The following ECT2L variants were observed in gnomAD, a reference collection of about 807,000 sequenced individuals.
ECT2L encodes the protein epithelial cell-transforming sequence 2 oncogene-like.
A neutral mutation model predicts 122.8 loss-of-function variants in ECT2L; 126 were observed. That is an observed-to-expected ratio of 1.03 (90% confidence interval 0.89 to 1.19). ECT2L has a LOEUF of 1.19. Among genes scored for constraint, ECT2L ranks in the 50% most tolerant of loss-of-function variants. The pLI, the probability that ECT2L is intolerant of heterozygous loss-of-function variation, is 0.00. For missense variants in ECT2L, 1,012 were observed against 1,064.1 expected, an observed-to-expected ratio of 0.95 and a Z score of 0.68; for synonymous variants, 385 against 381.8, an observed-to-expected ratio of 1.01 and a Z score of -0.10.
chr6:138,874,243 T>C (rs2128403927), intron 13 of ECT2L, among the ~76,000 whole-genome samples: 1 of 152,188 alleles, frequency 6.6e-6, no homozygotes, highest in African/African-American at 2.4e-5. Flanking sequence ...TTTAATGGTC[T>C]TCCTTATATG....
intron 16 of ECT2L, among the ~76,000 whole-genome samples, chr6:138,883,757 A>G (rs996887350): frequency 6.6e-6 from 1 of 152,266 alleles, no homozygotes; most frequent in African/African-American, 2.4e-5. Flanking sequence ...ACATGGTATC[A>G]GGAACACACT....
At chr6:138,865,207 G>A in intron 12 of ECT2L, 29 bp downstream of exon 12, 2 of 1,561,022 alleles carry the variant, frequency 1.3e-6, no homozygotes, top group African/African-American at 2.7e-5. Context: ...TCTGTTGCAG[G>A]TTAATTATGA....
chr6:138,824,575 C>CAAAAAAAAAAAAAAAAAAAAA (rs1174829999), intron 4 of ECT2L, among the ~76,000 whole-genome samples: 1 of 130,226 alleles, frequency 7.7e-6, no homozygotes, highest in East Asian at 2.6e-4. Flanking sequence ...AAACAAAAAA[C>CAAAAAAAAAAAAAAAAAAAAA]AAAAACAAAA....
chr6:138,847,354 A>ATTTTTTTTTTTTTTT (rs1562471985), intron 8 of ECT2L, among the ~76,000 whole-genome samples: 18 of 111,014 alleles, frequency 1.6e-4, no homozygotes, highest in African/African-American at 7.2e-4. Context: ...AAAGGCCCAA[A>ATTTTTTTTTTTTTTT]CTTTTTTTTT....
Position 138,888,898 on chromosome 6 carries a change from T to TA in ECT2L, c.2326-38dup, listed in dbSNP as rs758068432. 1.1e-5 allele frequency: 12 copies of TA among 1,070,100 alleles called. No individual in the cohort carries two copies. In the African/African-American group the frequency reaches 1.1e-4, roughly 10 times the overall value. The allele number at this position is 1,070,100 out of a possible 1,614,324, so 66.3% of individuals were successfully genotyped here. ...AATGGTTTGCAGTAGTAATTTTATT[T>TA]AAAAAAATTTATATGTACTTCTAAT... is the stretch of plus-strand genomic sequence containing the variant. On this transcript the variant is annotated intron_variant, in intron 19 of 21. Transcript: ENST00000541398.
chr6:138,811,819 G>A (rs1235956563), intron 1 of ECT2L, among the ~76,000 whole-genome samples: 1 of 152,066 alleles, frequency 6.6e-6, no homozygotes, highest in African/African-American at 2.4e-5. Context: ...GCTGGGATTA[G>A]CTGGGATTAC....
intron 21 of ECT2L, 147 bp downstream of exon 21, chr6:138,901,267 TGTA>T (rs1304847040): frequency 1.2e-6 from 1 of 855,752 alleles, no homozygotes; most frequent in Non-Finnish European, 1.7e-6. Context: ...CATTAAACAA[TGTA>T]AACTTTCATC....
rs555375619 is a variant in ECT2L at position 138,902,903 on chromosome 6, A to C, written c.*276A>C. On this transcript the variant is annotated 3_prime_UTR_variant, in exon 22 of 22. Transcript: ENST00000541398. ...TTATTTAGAGTAATTTGATGTGATGAAACCTAAGACAGAGCAAGCACATTG... is the reference window on the plus strand; with the variant it reads ...TTATTTAGAGTAATTTGATGTGATGCAACCTAAGACAGAGCAAGCACATTG... The C allele has an allele frequency of 2.8e-6, 1 of 359,140 alleles. No homozygotes were observed. The highest frequency in any genetic ancestry group is 7.2e-5 in the East Asian group (1 of 13,838). The allele number at this position is 359,140 out of a possible 1,614,324, so 22.2% of individuals were successfully genotyped here. A position where few individuals can be genotyped will look rare whatever the true frequency, so the allele number is the denominator to read the frequency against.
chr6:138,854,981 T>G lies in ECT2L; in HGVS notation c.1198+827T>G, dbSNP rs117148893. On this transcript the variant is annotated intron_variant, in intron 10 of 21. Transcript: ENST00000541398. ...ATTAAATTTTCTCATACTGTTTTTT[T>G]TTGTTGTTGTTGTTAGCCATTCCTT... Among the ~76,000 whole-genome samples the G allele has an allele frequency of 4.0e-3, 615 of 152,286 alleles. 2 individuals are homozygous for G. Among genetic ancestry groups the G allele is most frequent in the Admixed American group, 7.2e-3 (110 of 15,288 alleles).
At chr6:138,808,041 AACACACACACAGCCATGCACAC>A in intron 1 of ECT2L, among the ~76,000 whole-genome samples, 1 of 152,074 alleles carries the variant, frequency 6.6e-6, no homozygotes, top group Admixed American at 6.6e-5. Context: ...CAGTTTGTCA[AACACACACACAGCCATGCACAC>A]ACACACACAC....
rs554379297 is a variant in ECT2L at position 138,805,620 on chromosome 6, C to G, written c.-243-7218C>G. 3.9e-5 allele frequency among the ~76,000 whole-genome samples: 6 copies of G among 152,198 alleles called. No homozygotes were observed. The South Asian group carries it at 1.2e-3, about 32-fold the overall frequency. On this transcript the variant is annotated intron_variant, in intron 1 of 21. Transcript: ENST00000541398. ...GGAGCTTAGTTGCAACTGAAATATC[C>G]AAGATGACTTCATTTGCACATCTGG...
chr6:138,882,899 A>T, intron 16 of ECT2L, 28 bp downstream of exon 16: 10 of 1,610,596 alleles, frequency 6.2e-6, no homozygotes, highest in Non-Finnish European at 8.5e-6. Context: ...CCATCATTCT[A>T]TAAGACCTGA....
In ECT2L at chr6:138,849,334, A is replaced by G. The variant is rs374900200; in HGVS notation, c.969A>G (p.Glu323=). The G allele has an allele frequency of 2.7e-5, 44 of 1,614,026 alleles. No individual in the cohort carries two copies. The highest frequency in any genetic ancestry group is 4.0e-5 in the African/African-American group (3 of 74,912). ...SVVYEHSVTL[E]SLLYLIEKAL... ...TATATGAACACAGCGTAACCTTGGA[A>G]AGCCTTCTGTATCTTATAGAAAAAG... Residue 323 remains glutamate, a synonymous_variant, in exon 9 of 22, where the codon GAA becomes GAG. Transcript: ENST00000541398.
chr6:138,886,748 T>G lies in ECT2L; in HGVS notation c.2260-109T>G. 4 of 797,788 alleles carry G rather than the reference T, an allele frequency of 5.0e-6. No homozygotes were observed. In the Admixed American group the frequency reaches 8.7e-5, roughly 17 times the overall value. 49.4% of individuals were successfully genotyped at this position (797,788 alleles called of 1,614,324 possible). On this transcript the variant is annotated intron_variant, in intron 18 of 21. Coordinates refer to ENST00000541398, the MANE Select transcript of ECT2L (RefSeq NM_001077706.3). Reference sequence around the variant, plus strand: ...ATTTGAAACTTTCTATTATAACATATGAAAATACCAAGCCCTGTATCAAGC... The same window carrying G: ...ATTTGAAACTTTCTATTATAACATAGGAAAATACCAAGCCCTGTATCAAGC...
At position 138,889,040 on chromosome 6, in the gene ECT2L, T is replaced by C. The variant is rs572602382; in HGVS notation, c.2414+9T>C. 2 of 1,501,350 alleles carry C rather than the reference T, an allele frequency of 1.3e-6. No homozygotes were observed. The highest frequency in any genetic ancestry group is 2.4e-5 in the East Asian group (1 of 42,022). 93.0% of individuals were successfully genotyped at this position (1,501,350 alleles called of 1,614,324 possible). A position where few individuals can be genotyped will look rare whatever the true frequency, so the allele number is the denominator to read the frequency against. ...ATAAGTTTCTCTTTAAGGTAAACAA[T>C]AGTTAACTATCCTAAGGCTGTGGAC... On this transcript the variant is annotated intron_variant, in intron 20 of 21. Transcript: ENST00000541398.
At chr6:138,890,961 C>G (rs1256606677) in intron 20 of ECT2L, among the ~76,000 whole-genome samples, 1 of 152,058 alleles carries the variant, frequency 6.6e-6, no homozygotes, top group East Asian at 1.9e-4. Context: ...GTAATAGAAG[C>G]CAACAATAAA....
intron 13 of ECT2L, among the ~76,000 whole-genome samples, chr6:138,869,172 A>G (rs1778156142): frequency 6.6e-6 from 1 of 152,208 alleles, no homozygotes; most frequent in Non-Finnish European, 1.5e-5. Context: ...GTCTCAAAAA[A>G]AGAAAAAGAA....
At chr6:138,889,439 C>A (rs1251724100) in intron 20 of ECT2L, among the ~76,000 whole-genome samples, 1 of 152,096 alleles carries the variant, frequency 6.6e-6, no homozygotes, top group African/African-American at 2.4e-5. Flanking sequence ...CCTGCGTCAG[C>A]CTTCCAAGTA....
At position 138,873,892 on chromosome 6, in the gene ECT2L, G is replaced by GTGTGTGTGTGTA. The variant is rs1554276985; in HGVS notation, c.1579-2569_1579-2568insATGTGTGTGTGT. Among the ~76,000 whole-genome samples, 595 of 134,958 alleles carry GTGTGTGTGTGTA rather than the reference G, an allele frequency of 4.4e-3. 6 individuals are homozygous for GTGTGTGTGTGTA. The highest frequency in any genetic ancestry group is 0.014 in the African/African-American group (524 of 36,454). The allele number at this position is 134,958 out of a possible 152,430, so 88.5% of individuals were successfully genotyped here. A position where few individuals can be genotyped will look rare whatever the true frequency, so the allele number is the denominator to read the frequency against. On this transcript the variant is annotated intron_variant, in intron 13 of 21. Transcript: ENST00000541398. ...CAGGACTGTGTGTGTGTGTGTGTGT[G>GTGTGTGTGTGTA]TGTGTGTGTGTGTGTGTGTGTGTCC...
Sources: allele counts gnomAD v4.1 joint callset (sites outside exome capture counted in the v4.1 genomes callset), GRCh38; gene constraint gnomAD v4.1.1; transcripts MANE v1.5; gene names NCBI Gene and HGNC (gene_info 2026-07-23, HGNC 2026-07-21).